The following WSCD2 variants were observed in gnomAD, a reference collection of about 807,000 sequenced individuals.
WSCD2 encodes the protein WSC domain sialate O sulfotransferase 2.
WSCD2 carries 28 observed loss-of-function variants against 55.7 expected under a neutral mutation model. The ratio of observed to expected loss-of-function variants is 0.50; its 90% confidence interval spans 0.37 to 0.69. The LOEUF (loss-of-function observed/expected upper bound fraction) is 0.69. WSCD2 is among the 30% of genes least tolerant of loss of function. WSCD2 has a pLI of 0.00. For missense variants in WSCD2, 616 were observed against 762.1 expected, an observed-to-expected ratio of 0.81 and a Z score of 2.26; for synonymous variants, 301 against 301.9, an observed-to-expected ratio of 1.00 and a Z score of 0.03.
At chr12:108,158,662 G>T (rs1592904353) in intron 1 of WSCD2, among the ~76,000 whole-genome samples, 1 of 152,180 alleles carries the variant, frequency 6.6e-6, no homozygotes, top group East Asian at 1.9e-4. Flanking sequence ...AGAATAAACA[G>T]GGATGTTATA....
At chr12:108,194,615 A>C (rs1029967229) in intron 1 of WSCD2, among the ~76,000 whole-genome samples, 1 of 152,162 alleles carries the variant, frequency 6.6e-6, no homozygotes, top group African/African-American at 2.4e-5. Context: ...AGCTGAGCAC[A>C]TGGTAGACAC....
In WSCD2 at chr12:108,161,859, T is replaced by C. The variant is rs140999173; in HGVS notation, c.-552+31933T>C. Among the ~76,000 whole-genome samples, 21 of 152,324 alleles carry C rather than the reference T, an allele frequency of 1.4e-4. No individual in the cohort carries two copies. The East Asian group carries it at 3.9e-3, about 28-fold the overall frequency. On this transcript the variant is annotated intron_variant, in intron 1 of 8. Transcript: ENST00000547525. The stretch of plus-strand genomic sequence containing the variant: ...TGATGTGGGTGAGTTGCTTTCCCAC[T>C]CTGGGCCCTCAGTGCCCTTATCTGT...
chr12:108,182,369 T>C (rs1353619338), intron 1 of WSCD2, among the ~76,000 whole-genome samples: 1 of 152,188 alleles, frequency 6.6e-6, no homozygotes, highest in Non-Finnish European at 1.5e-5. Context: ...ATTTCAACTT[T>C]GACATGGGAG....
chr12:108,213,459 T>G (rs2137116404), intron 4 of WSCD2, among the ~76,000 whole-genome samples: 2 of 152,302 alleles, frequency 1.3e-5, no homozygotes, highest in South Asian at 4.1e-4. Flanking sequence ...GAAGCACCTT[T>G]CTCACTGATG....
chr12:108,176,132 C>A (rs1880829335), intron 1 of WSCD2, among the ~76,000 whole-genome samples: 2 of 152,212 alleles, frequency 1.3e-5, no homozygotes, highest in South Asian at 4.1e-4. Flanking sequence ...AGCCACCACG[C>A]CCGGCCTATT....
chr12:108,186,413 C>T (rs4964650), intron 1 of WSCD2, among the ~76,000 whole-genome samples: 113,110 of 151,994 alleles, frequency 0.74, 43,350 homozygotes, highest in East Asian at 0.9. Context: ...GGTGTTGTAC[C>T]TTCTGTAGGT....
In WSCD2 at chr12:108,212,611, TCTCA is replaced by T. The variant is rs771588431; in HGVS notation, c.682+2308_682+2311del. ...CCATTTCTCTCTCTCTCTCTCTCTC[TCTCA>T]CACACACACACACACACACATTCAG... On this transcript the variant is annotated intron_variant, in intron 4 of 8. Transcript: ENST00000547525. Among the ~76,000 whole-genome samples the T allele has an allele frequency of 9.3e-4, 103 of 110,474 alleles. 2 individuals are homozygous for T. The highest frequency in any genetic ancestry group is 6.2e-3 in the South Asian group (17 of 2,736). 72.5% of individuals were successfully genotyped at this position (110,474 alleles called of 152,430 possible). A position where few individuals can be genotyped will look rare whatever the true frequency, so the allele number is the denominator to read the frequency against.
chr12:108,174,931 C>T (rs1030736152), intron 1 of WSCD2, among the ~76,000 whole-genome samples: 8 of 152,178 alleles, frequency 5.3e-5, no homozygotes, highest in Non-Finnish European at 8.8e-5. Flanking sequence ...CCTCCTTGAG[C>T]TTCTAAAATG....
chr12:108,206,111 G>T (rs1001997414), intron 2 of WSCD2, among the ~76,000 whole-genome samples, 178 bp from the exon 3 acceptor site: 1 of 152,140 alleles, frequency 6.6e-6, no homozygotes, highest in Non-Finnish European at 1.5e-5. Flanking sequence ...CCGCTGCCCT[G>T]ATTAGACCAG....
At chr12:108,218,473 G>A (rs1040458667) in intron 4 of WSCD2, among the ~76,000 whole-genome samples, 1 of 152,190 alleles carries the variant, frequency 6.6e-6, no homozygotes, top group Non-Finnish European at 1.5e-5. Flanking sequence ...GTCCCCTGAA[G>A]CTCATCTGGA....
At position 108,248,357 on chromosome 12, in the gene WSCD2, G is replaced by T. The variant is rs140259524; in HGVS notation, c.*14G>T. ...TACCCAAGATGATGCGTCCACACAGGGGGAGGGTAGACTGGGAGTCCTGAC... is the reference window on the plus strand; with the variant it reads ...TACCCAAGATGATGCGTCCACACAGTGGGAGGGTAGACTGGGAGTCCTGAC... On this transcript the variant is annotated 3_prime_UTR_variant, in exon 9 of 9. Transcript: ENST00000547525. The surrounding 1 kb of genome is among the most constrained non-coding windows in gnomAD (Gnocchi z 4.3). 2.6e-4 allele frequency: 422 copies of T among 1,601,016 alleles called. 5 individuals are homozygous for T. In the East Asian group the frequency reaches 9.2e-3, roughly 35 times the overall value.
intron 1 of WSCD2, among the ~76,000 whole-genome samples, chr12:108,141,002 G>A (rs1876744197): frequency 6.6e-6 from 1 of 152,226 alleles, no homozygotes; most frequent in South Asian, 2.1e-4. Flanking sequence ...GTCCATAAAG[G>A]TAGTGGCTTG....
intron 1 of WSCD2, among the ~76,000 whole-genome samples, chr12:108,177,642 T>C (rs1235959153): frequency 6.6e-6 from 1 of 152,174 alleles, no homozygotes; most frequent in African/African-American, 2.4e-5. Context: ...GCTCAACAGC[T>C]GGGCGTGGTG....
intron 1 of WSCD2, among the ~76,000 whole-genome samples, chr12:108,145,375 G>A (rs1877276945): frequency 6.6e-6 from 1 of 152,170 alleles, no homozygotes; most frequent in East Asian, 1.9e-4. Context: ...TAACCAACCT[G>A]CAACCCCTCT....
chr12:108,143,679 A>T (rs551430247), intron 1 of WSCD2, among the ~76,000 whole-genome samples: 1 of 152,316 alleles, frequency 6.6e-6, no homozygotes, highest in South Asian at 2.1e-4. Context: ...TAGGCCAGAC[A>T]GGGGCCCGTC....
intron 1 of WSCD2, among the ~76,000 whole-genome samples, chr12:108,136,126 G>A (rs1459626853): frequency 2.0e-5 from 3 of 152,192 alleles, no homozygotes; most frequent in Non-Finnish European, 4.4e-5. Flanking sequence ...GCATCTGAAG[G>A]GTCAGAAGAG....
chr12:108,233,577 GGAT>G (rs1216919623), intron 7 of WSCD2, among the ~76,000 whole-genome samples: 1 of 152,356 alleles, frequency 6.6e-6, no homozygotes, highest in South Asian at 2.1e-4. Flanking sequence ...CTGTGAGGTA[GGAT>G]GATGATGTTC....
At chr12:108,173,919 A>C (rs1372179195) in intron 1 of WSCD2, among the ~76,000 whole-genome samples, 1 of 149,266 alleles carries the variant, frequency 6.7e-6, no homozygotes, top group African/African-American at 2.5e-5. Flanking sequence ...ATTCACCTCT[A>C]TCTCCACCTT....
chr12:108,131,818 C>G (rs11113756), intron 1 of WSCD2: 34,199 of 152,246 alleles, frequency 0.22, 4,027 homozygotes, highest in African/African-American at 0.27. Context: ...GGGAGTGCTG[C>G]ATGCACCCAG....
Sources: gnomAD v4.1 joint callset for allele counts (sites outside exome capture counted in the v4.1 genomes callset) on GRCh38, gnomAD v4.1.1 for gene constraint, Gnocchi (gnomAD v3.1) non-coding constraint, MANE v1.5 for transcripts, NCBI Gene and HGNC (gene_info 2026-07-23, HGNC 2026-07-21) for gene names.